Variants in PAQR8 observed in about 807,000 individuals in gnomAD.
PAQR8 encodes membrane progestin receptor beta.
PAQR8 carries 17 observed loss-of-function variants against 25.2 expected under a neutral mutation model. The ratio of observed to expected loss-of-function variants is 0.67; its 90% CI spans 0.46 to 1.01. The LOEUF is 1.01. Among genes scored for constraint, PAQR8 ranks in the 50% least tolerant of loss-of-function variants. The probability of loss-of-function intolerance (pLI) is 0.00; values close to 1 mark genes in which losing one functional copy is unlikely to be tolerated. For missense variants in PAQR8, 392 were observed against 448.4 expected (o/e 0.87, Z 1.14); for synonymous variants, 204 against 190.6 (o/e 1.07, Z -0.58).
chr6:52,389,177 T>A (rs954337040), intron 1 of PAQR8, among the ~76,000 whole-genome samples: 4 of 152,242 alleles, frequency 2.6e-5, no homozygotes, highest in African/African-American at 7.2e-5. Flanking sequence ...AGCAAGTGGA[T>A]GAACCACACA....
intron 1 of PAQR8, among the ~76,000 whole-genome samples, chr6:52,394,846 A>G (rs1395705409): frequency 6.6e-6 from 1 of 152,230 alleles, no homozygotes; most frequent in African/African-American, 2.4e-5. Flanking sequence ...ACTTTTAAAA[A>G]GAACACCTAA....
intron 1 of PAQR8, among the ~76,000 whole-genome samples, chr6:52,375,287 G>C (rs1457844785): frequency 6.6e-6 from 1 of 152,078 alleles, no homozygotes; most frequent in African/African-American, 2.4e-5. Context: ...ATTTCAGGAA[G>C]CCATTACCAA....
intron 1 of PAQR8, among the ~76,000 whole-genome samples, chr6:52,368,166 C>A (rs1156743280): frequency 6.6e-6 from 1 of 152,136 alleles, no homozygotes; most frequent in African/African-American, 2.4e-5. Context: ...AGTGAGTAAT[C>A]AACTCAGTAA....
chr6:52,382,415 C>T (rs887098758), intron 1 of PAQR8, among the ~76,000 whole-genome samples: 3 of 152,234 alleles, frequency 2.0e-5, no homozygotes, highest in South Asian at 2.1e-4. Flanking sequence ...CCTAGGGTGT[C>T]GGAGCAAATC....
intron 1 of PAQR8, among the ~76,000 whole-genome samples, chr6:52,378,171 C>T (rs1763507127): frequency 6.6e-6 from 1 of 152,160 alleles, no homozygotes; most frequent in African/African-American, 2.4e-5. Context: ...ATGCAATGAC[C>T]TTAGAACCAT....
intron 1 of PAQR8, among the ~76,000 whole-genome samples, chr6:52,368,163 A>C (rs1420323349): frequency 6.6e-6 from 1 of 152,230 alleles, no homozygotes; most frequent in East Asian, 1.9e-4. Flanking sequence ...ATGAGTGAGT[A>C]ATCAACTCAG....
intron 1 of PAQR8, among the ~76,000 whole-genome samples, chr6:52,394,847 G>T (rs1173169312): frequency 6.6e-6 from 1 of 151,970 alleles, no homozygotes; most frequent in African/African-American, 2.4e-5. Flanking sequence ...CTTTTAAAAA[G>T]AACACCTAAA....
At chr6:52,402,338 G>A (rs1041622126) in intron 1 of PAQR8, among the ~76,000 whole-genome samples, 1 of 150,660 alleles carries the variant, frequency 6.6e-6, no homozygotes, top group Non-Finnish European at 1.5e-5. Context: ...CATCCCAGCT[G>A]GGCGACAGAG....
chr6:52,396,092 T>G (rs867619726), intron 1 of PAQR8, among the ~76,000 whole-genome samples: 1 of 152,260 alleles, frequency 6.6e-6, no homozygotes, highest in African/African-American at 2.4e-5. Context: ...TGGGGACTTC[T>G]GCACCTAACA....
At chr6:52,380,726 G>C (rs1268801855) in intron 1 of PAQR8, among the ~76,000 whole-genome samples, 2 of 152,276 alleles carry the variant, frequency 1.3e-5, no homozygotes, top group Non-Finnish European at 1.5e-5. Context: ...AACTTAAAGA[G>C]GGCAGCTTAA....
intron 1 of PAQR8, among the ~76,000 whole-genome samples, chr6:52,393,058 G>A (rs526553): frequency 1.3e-5 from 2 of 151,952 alleles, no homozygotes; most frequent in African/African-American, 4.8e-5. Flanking sequence ...GTCATAGAGG[G>A]CATTTTTTGA....
chr6:52,366,368 G>A (rs1763353879), intron 1 of PAQR8, among the ~76,000 whole-genome samples: 1 of 152,176 alleles, frequency 6.6e-6, no homozygotes, highest in Non-Finnish European at 1.5e-5. Flanking sequence ...TTCACATCAT[G>A]TGCTCTCTTA....
chr6:52,400,120 C>T (rs1305644640), intron 1 of PAQR8, among the ~76,000 whole-genome samples: 3 of 152,208 alleles, frequency 2.0e-5, no homozygotes, highest in Non-Finnish European at 4.4e-5. Context: ...ATCCTTAATA[C>T]ACTTCTCTTG....
chr6:52,386,374 T>C lies in PAQR8; in HGVS notation c.-52-16788T>C, dbSNP rs543363808. ...GTACTCAAAGGAAAACAAATTGTTC[T>C]ACCAAAAAGACACATGTACTCATAT... On this transcript the variant is annotated intron_variant, in intron 1 of 1. Coordinates refer to ENST00000442253, the MANE Select transcript of PAQR8 (RefSeq NM_133367.5). Among the ~76,000 whole-genome samples the C allele has an allele frequency of 7.2e-5, 11 of 152,302 alleles. No individual in the cohort carries two copies. The South Asian group carries it at 2.1e-3, about 29-fold the overall frequency.
chr6:52,389,476 G>C (rs1763672690), intron 1 of PAQR8, among the ~76,000 whole-genome samples: 1 of 152,090 alleles, frequency 6.6e-6, no homozygotes, highest in South Asian at 2.1e-4. Flanking sequence ...CAAGCCTGAT[G>C]TTCTCCTTAC....
At chr6:52,383,432 C>T (rs531913015) in intron 1 of PAQR8, among the ~76,000 whole-genome samples, 5 of 152,154 alleles carry the variant, frequency 3.3e-5, no homozygotes, top group African/African-American at 9.6e-5. Context: ...GAGGCCGAGG[C>T]GGGCGGATCA....
intron 1 of PAQR8, among the ~76,000 whole-genome samples, chr6:52,391,601 G>A (rs947410317): frequency 6.6e-6 from 1 of 152,204 alleles, no homozygotes; most frequent in African/African-American, 2.4e-5. Context: ...TGAGCCCAGA[G>A]TTCTCTCACT....
chr6:52,375,423 C>G (rs768096322), intron 1 of PAQR8, among the ~76,000 whole-genome samples: 1 of 152,204 alleles, frequency 6.6e-6, no homozygotes, highest in African/African-American at 2.4e-5. Context: ...TCCCTAACAG[C>G]TAGGGAGCAG....
chr6:52,403,513 G>T lies in PAQR8; in HGVS notation c.300G>T (p.Glu100Asp). 1 of 1,614,044 alleles carries T rather than the reference G, an allele frequency of 6.2e-7. No homozygotes were observed. The highest frequency in any genetic ancestry group is 1.3e-5 in the African/African-American group (1 of 75,066). Residue 100 changes from glutamate to aspartate, a missense_variant, in exon 2 of 2, where the codon GAG (glutamate) becomes GAT (aspartate). Physicochemically the swap from Glu to Asp is conservative, Grantham distance 45 (BLOSUM62 2). Coordinates refer to ENST00000442253, the MANE Select transcript of PAQR8 (RefSeq NM_133367.5). ...LLRFWAFAEA[E>D]ALPWASTHSL... Reference sequence around the variant, plus strand: ...GATTCTGGGCCTTTGCCGAGGCTGAGGCCTTGCCATGGGCGTCTACCCACT... The same window carrying T: ...GATTCTGGGCCTTTGCCGAGGCTGATGCCTTGCCATGGGCGTCTACCCACT...
Sources: gnomAD v4.1 joint callset for allele counts (sites outside exome capture counted in the v4.1 genomes callset) on GRCh38, gnomAD v4.1.1 for gene constraint, MANE v1.5 for transcripts, NCBI Gene and HGNC (gene_info 2026-07-23, HGNC 2026-07-21) for gene names.